FRMD4A: variants seen among roughly 807,000 people sequenced by gnomAD.
FRMD4A encodes the protein FERM domain containing 4A, also known as FERM domain-containing protein 4A.
FRMD4A carries 29 observed loss-of-function variants against 129.1 expected under a neutral mutation model. That is an observed-to-expected ratio of 0.22 (90% CI 0.17 to 0.31). The LOEUF (loss-of-function observed/expected upper bound fraction) is 0.31. FRMD4A is among the 10% of genes least tolerant of loss of function. The pLI, the probability that FRMD4A is intolerant of heterozygous loss-of-function variation, is 1.00. For synonymous variants in FRMD4A, 634 were observed against 571.6 expected (o/e 1.11, Z -1.56); for missense variants, 1,272 against 1,375.8 (o/e 0.92, Z 1.19).
intron 2 of FRMD4A, among the ~76,000 whole-genome samples, chr10:13,929,010 C>T (rs1008037723): frequency 2.0e-5 from 3 of 152,274 alleles, no homozygotes; most frequent in South Asian, 4.2e-4. Context: ...TGAAAGTAAC[C>T]GGACACGCTT....
At position 13,659,335 on chromosome 10, in the gene FRMD4A, A is replaced by G; in HGVS notation, c.2054T>C (p.Val685Ala). ...CAGGCAGACTCACCTCGTGGAATGG[A>G]CGTAGTGGGGACTCCGGACCCGCAG... Reference protein sequence around the residue: ...PDLRVRSPHYVHSTRSVDISP... With the variant: ...PDLRVRSPHYAHSTRSVDISP... Residue 685 changes from valine (V) to alanine (A), a missense_variant, in exon 21 of 25, where the codon GTC (valine) becomes GCC (alanine). By Grantham distance (64) the Val-to-Ala change is moderately conservative. Around this residue, in one of 2 missense-constraint regions of FRMD4A, gnomAD observed 972 missense variants for 892.3 expected, o/e 1.09. Coordinates refer to ENST00000357447, the MANE Select transcript of FRMD4A (RefSeq NM_018027.5). 1 of 1,613,976 alleles carries G rather than the reference A, an allele frequency of 6.2e-7. No individual in the cohort carries two copies. The highest frequency in any genetic ancestry group is 8.5e-7 in the Non-Finnish European group (1 of 1,179,848).
intron 2 of FRMD4A, chr10:14,007,994 A>T: frequency 7.8e-7 from 1 of 1,283,256 alleles, no homozygotes; most frequent in Admixed American, 2.3e-5. Context: ...CGCGGTATAC[A>T]ATGAAAACAA....
chr10:13,777,660 T>G (rs2092627781), intron 6 of FRMD4A, among the ~76,000 whole-genome samples: 1 of 152,110 alleles, frequency 6.6e-6, no homozygotes, highest in African/African-American at 2.4e-5. Flanking sequence ...TAATTTTCCC[T>G]GAATCGCAAA....
intron 2 of FRMD4A, among the ~76,000 whole-genome samples, chr10:13,957,893 C>T (rs1432138458): frequency 2.6e-5 from 4 of 152,114 alleles, no homozygotes; most frequent in African/African-American, 9.7e-5. Context: ...AGGAACCCAC[C>T]GCTCTTTCCC....
chr10:13,867,520 C>T (rs2094382631), intron 2 of FRMD4A, among the ~76,000 whole-genome samples: 1 of 148,030 alleles, frequency 6.8e-6, no homozygotes, highest in Admixed American at 7.0e-5. Flanking sequence ...CACAGCCTCC[C>T]AAAGTTCTGG....
intron 2 of FRMD4A, among the ~76,000 whole-genome samples, chr10:13,887,121 G>T (rs1285574022): frequency 2.3e-5 from 3 of 132,140 alleles, no homozygotes; most frequent in South Asian, 5.0e-4. Context: ...TAACAAGCTA[G>T]AGCCTACAAG....
At position 14,128,061 on chromosome 10, in the gene FRMD4A, T is replaced by C. The variant is rs199820512; in HGVS notation, c.45+201997A>G. 4.6e-3 allele frequency among the ~76,000 whole-genome samples: 292 copies of C among 62,846 alleles called. 2 individuals are homozygous for C. Among genetic ancestry groups the C allele is most frequent in the Admixed American group, 0.021 (113 of 5,392 alleles). 41.2% of individuals were successfully genotyped at this position (62,846 alleles called of 152,430 possible). A position where few individuals can be genotyped will look rare whatever the true frequency, so the allele number is the denominator to read the frequency against. ...CTTTCTTTCCCTCTTTCTTTCTTTC[T>C]TTCTTTCTTTCTTTCTTTCTTTCTT... On this transcript the variant is annotated intron_variant, in intron 2 of 24. Transcript: ENST00000357447.
chr10:14,196,503 G>A (rs959045051), intron 2 of FRMD4A, among the ~76,000 whole-genome samples: 23 of 152,112 alleles, frequency 1.5e-4, no homozygotes, highest in African/African-American at 5.6e-4. Flanking sequence ...AAACCTGAAG[G>A]CTTTGATTTT....
intron 2 of FRMD4A, among the ~76,000 whole-genome samples, chr10:14,276,544 T>C (rs1845348429): frequency 1.3e-5 from 2 of 152,174 alleles, no homozygotes; most frequent in Admixed American, 1.3e-4. Flanking sequence ...CGTGTCCCCA[T>C]TTTAAGGTAC....
At chr10:13,925,533 G>A (rs1406467) in intron 2 of FRMD4A, among the ~76,000 whole-genome samples, 38,332 of 140,024 alleles carry the variant, frequency 0.27, 5,696 homozygotes, top group Non-Finnish European at 0.32. Flanking sequence ...TAACAATATC[G>A]GGCCCAGTGA....
intron 2 of FRMD4A, among the ~76,000 whole-genome samples, chr10:14,132,849 T>G (rs946089893): frequency 4.6e-5 from 7 of 152,192 alleles, no homozygotes; most frequent in African/African-American, 1.7e-4. Flanking sequence ...TTATCCTGCC[T>G]TAAGCATGGT....
intron 8 of FRMD4A, among the ~76,000 whole-genome samples, chr10:13,755,653 T>G (rs911648016): frequency 6.6e-6 from 1 of 152,230 alleles, no homozygotes; most frequent in African/African-American, 2.4e-5. Context: ...GATTGGGTGA[T>G]GCATTGTTCT....
intron 2 of FRMD4A, among the ~76,000 whole-genome samples, chr10:14,081,484 G>T (rs531879656): frequency 1.3e-5 from 2 of 152,282 alleles, no homozygotes; most frequent in South Asian, 4.1e-4. Flanking sequence ...TGGGAACCAT[G>T]TCTGCCCCAG....
At chr10:14,061,123 G>A (rs1834789310) in intron 2 of FRMD4A, among the ~76,000 whole-genome samples, 1 of 152,062 alleles carries the variant, frequency 6.6e-6, no homozygotes, top group Non-Finnish European at 1.5e-5. Flanking sequence ...ATATTTAAAA[G>A]CACATTCTGG....
chr10:14,249,350 T>TCAAA (rs1564416620), intron 2 of FRMD4A, among the ~76,000 whole-genome samples: 1 of 121,372 alleles, frequency 8.2e-6, no homozygotes, highest in African/African-American at 2.8e-5. Flanking sequence ...AGAATCTGTC[T>TCAAA]TAAAAAAAAA....
intron 2 of FRMD4A, chr10:13,971,867 T>C: frequency 7.7e-7 from 1 of 1,295,694 alleles, no homozygotes; most frequent in East Asian, 5.6e-5. Context: ...GTTCTTTTAG[T>C]GACACAAAGT....
At chr10:13,891,448 C>T (rs1331557877) in intron 2 of FRMD4A, among the ~76,000 whole-genome samples, 1 of 152,050 alleles carries the variant, frequency 6.6e-6, no homozygotes, top group Admixed American at 6.5e-5. Context: ...CAGTATGTGC[C>T]CCACGTGGGA....
chr10:13,826,531 C>T (rs1346234965), intron 3 of FRMD4A, among the ~76,000 whole-genome samples: 2 of 152,086 alleles, frequency 1.3e-5, no homozygotes, highest in Admixed American at 6.6e-5. Context: ...AGTCCCTCTC[C>T]GGCCCCAGTG....
At chr10:14,120,559 A>G (rs1485537888) in intron 2 of FRMD4A, among the ~76,000 whole-genome samples, 1 of 152,242 alleles carries the variant, frequency 6.6e-6, no homozygotes, top group Non-Finnish European at 1.5e-5. Flanking sequence ...GAATGAATAA[A>G]TGAACAATGT....
Sources: gnomAD v4.1 joint callset for allele counts (sites outside exome capture counted in the v4.1 genomes callset) on GRCh38, gnomAD v4.1.1 for gene constraint, gnomAD v4.1.1 regional missense constraint, MANE v1.5 for transcripts, NCBI Gene and HGNC (gene_info 2026-07-23, HGNC 2026-07-21) for gene names.